The following PACRG variants were observed in gnomAD, a reference collection of about 807,000 sequenced individuals.
The protein encoded by PACRG is parkin coregulated gene protein.
Under a neutral mutation model 29.7 loss-of-function variants are expected in PACRG, and 29 were observed. The ratio of observed to expected loss-of-function variants is 0.98; its 90% CI spans 0.73 to 1.33. The LOEUF is 1.33. PACRG is among the 40% of genes most tolerant of loss of function. The probability of loss-of-function intolerance (pLI) is 0.00; values close to 1 mark genes in which losing one functional copy is unlikely to be tolerated. For missense variants in PACRG, 279 were observed against 316.2 expected, an observed-to-expected ratio of 0.88 and a Z score of 0.89; for synonymous variants, 116 against 118.7, an observed-to-expected ratio of 0.98 and a Z score of 0.15.
intron 2 of PACRG, among the ~76,000 whole-genome samples, chr6:162,907,169 C>T (rs746051637): frequency 3.3e-5 from 5 of 151,906 alleles, no homozygotes; most frequent in Non-Finnish European, 5.9e-5. Flanking sequence ...TTTTTTTATT[C>T]CAGACATTTT....
intron 4 of PACRG, among the ~76,000 whole-genome samples, chr6:163,124,085 T>G (rs556072724): frequency 1.3e-5 from 2 of 152,380 alleles, no homozygotes; most frequent in East Asian, 3.9e-4. Flanking sequence ...GGCAGCAGTA[T>G]GTATTCTTTG....
chr6:162,904,619 G>A (rs1284785919), intron 2 of PACRG, among the ~76,000 whole-genome samples: 1 of 152,232 alleles, frequency 6.6e-6, no homozygotes, highest in African/African-American at 2.4e-5. Flanking sequence ...AGGTTAGGAT[G>A]CAGCTTACAT....
At chr6:163,065,276 C>T (rs1811435670) in intron 3 of PACRG, among the ~76,000 whole-genome samples, 1 of 152,160 alleles carries the variant, frequency 6.6e-6, no homozygotes, top group African/African-American at 2.4e-5. Flanking sequence ...TTGCTGGGAG[C>T]AGCAGCAAAA....
chr6:163,008,286 A>G (rs796507608), intron 2 of PACRG, among the ~76,000 whole-genome samples: 12 of 152,216 alleles, frequency 7.9e-5, no homozygotes, highest in African/African-American at 2.6e-4. Flanking sequence ...ACACTTTCTC[A>G]GCACATATTT....
intron 4 of PACRG, among the ~76,000 whole-genome samples, chr6:163,207,147 C>T (rs1050596403): frequency 6.6e-6 from 1 of 152,118 alleles, no homozygotes; most frequent in African/African-American, 2.4e-5. Context: ...TGATTTCAGT[C>T]GCAGAACACA....
At chr6:162,852,599 CTT>C (rs1791015084) in intron 2 of PACRG, among the ~76,000 whole-genome samples, 1 of 152,174 alleles carries the variant, frequency 6.6e-6, no homozygotes, top group Non-Finnish European at 1.5e-5. Flanking sequence ...AAATTCATCT[CTT>C]GATAGTCCAG....
At chr6:163,006,442 A>G (rs1011035512) in intron 2 of PACRG, among the ~76,000 whole-genome samples, 3 of 151,712 alleles carry the variant, frequency 2.0e-5, no homozygotes, top group African/African-American at 7.2e-5. Context: ...ATAAGTTGAC[A>G]ATATCATTTA....
At chr6:163,314,687 T>G in intron 4 of PACRG, 140 bp from the exon 5 acceptor site, 2 of 943,978 alleles carry the variant, frequency 2.1e-6, no homozygotes, top group Non-Finnish European at 2.9e-6. Context: ...CCACTGCTTT[T>G]AAAACTCCGC....
At chr6:163,020,550 C>A (rs921610274) in intron 2 of PACRG, among the ~76,000 whole-genome samples, 2 of 152,192 alleles carry the variant, frequency 1.3e-5, no homozygotes, top group African/African-American at 4.8e-5. Flanking sequence ...CCGGTTTGAG[C>A]GGTGAGTATT....
chr6:163,157,385 C>T (rs114820773), intron 4 of PACRG, among the ~76,000 whole-genome samples: 2,475 of 152,260 alleles, frequency 0.016, 68 homozygotes, highest in African/African-American at 0.055. Context: ...CGAGGTGGAA[C>T]GGCACACTCC....
At chr6:163,165,364 C>G (rs1778750468) in intron 4 of PACRG, 1 of 152,076 alleles carries the variant, frequency 6.6e-6, no homozygotes, top group Non-Finnish European at 1.5e-5. Flanking sequence ...GACGGCAGAA[C>G]GGAAAGGGCC....
chr6:162,757,534 C>T (rs1322940850), intron 1 of PACRG, among the ~76,000 whole-genome samples: 2 of 151,888 alleles, frequency 1.3e-5, no homozygotes, highest in African/African-American at 4.8e-5. Flanking sequence ...ACAGTGAAAC[C>T]CTGTCTCTAC....
Position 163,019,717 on chromosome 6 carries a change from A to G in PACRG, c.292-42433A>G, listed in dbSNP as rs763699547. On this transcript the variant is annotated intron_variant, in intron 2 of 4. Transcript: ENST00000366888. The stretch of plus-strand genomic sequence containing the variant: ...CCCATTGCCTTATATTTTAAGGACC[A>G]TGAGTGTACCTTGCACACAATTTCG... Among the ~76,000 whole-genome samples, 69 of 152,190 alleles carry G rather than the reference A, an allele frequency of 4.5e-4. 3 individuals carry two copies. The highest frequency in any genetic ancestry group is 1.6e-4 in the Non-Finnish European group (11 of 68,036).
intron 4 of PACRG, among the ~76,000 whole-genome samples, chr6:163,303,119 C>T (rs902986848): frequency 2.6e-5 from 4 of 152,022 alleles, no homozygotes; most frequent in Non-Finnish European, 4.4e-5. Flanking sequence ...TGACTTAAGT[C>T]GAGACGTTCG....
intron 1 of PACRG, among the ~76,000 whole-genome samples, chr6:162,730,658 A>G (rs1007556010): frequency 2.0e-5 from 3 of 152,082 alleles, no homozygotes; most frequent in Non-Finnish European, 4.4e-5. Flanking sequence ...TATTGAAAAA[A>G]TAATGATAAA....
intron 4 of PACRG, chr6:163,100,925 A>C: frequency 1.0e-6 from 1 of 984,996 alleles, no homozygotes; most frequent in Non-Finnish European, 1.2e-6. Flanking sequence ...TAATGTTCCA[A>C]GTAATAAAGA....
At chr6:162,739,480 A>C (rs1780404931) in intron 1 of PACRG, among the ~76,000 whole-genome samples, 1 of 152,150 alleles carries the variant, frequency 6.6e-6, no homozygotes, top group South Asian at 2.1e-4. Flanking sequence ...TTTTTAATAC[A>C]TAAATTTTAA....
intron 1 of PACRG, among the ~76,000 whole-genome samples, chr6:162,787,558 TTGTGTGTGTG>T (rs377437969): frequency 2.2e-4 from 17 of 78,872 alleles, no homozygotes; most frequent in African/African-American, 8.5e-4. Flanking sequence ...TATATGGTTA[TTGTGTGTGTG>T]TGTGTGTGTG....
chr6:163,274,915 T>C (rs1783974467), intron 4 of PACRG, among the ~76,000 whole-genome samples: 1 of 149,270 alleles, frequency 6.7e-6, no homozygotes, highest in Admixed American at 6.8e-5. Flanking sequence ...GCTGGAATGA[T>C]GCAGTAGCAT....
Sources: allele counts gnomAD v4.1 joint callset (sites outside exome capture counted in the v4.1 genomes callset), GRCh38; gene constraint gnomAD v4.1.1; transcripts MANE v1.5; gene names NCBI Gene and HGNC (gene_info 2026-07-23, HGNC 2026-07-21).